The following TMEM132B variants were observed in gnomAD, a reference collection of about 807,000 sequenced individuals.
TMEM132B encodes the protein transmembrane protein 132B.
In TMEM132B, 18 loss-of-function variants were observed where a neutral mutation model predicts 90.8. That is an observed-to-expected ratio of 0.20 (90% confidence interval 0.14 to 0.29). TMEM132B has a LOEUF of 0.29. Among genes scored for constraint, TMEM132B ranks in the 10% least tolerant of loss-of-function variants. TMEM132B has a pLI of 1.00. For synonymous variants in TMEM132B, 504 were observed against 523.3 expected (o/e 0.96, Z 0.50); for missense variants, 1,096 against 1,326.8 (o/e 0.83, Z 2.70).
rs371670246 is a variant in TMEM132B, at chr12:125,650,966, A to C, written c.1914+13A>C. 2.5e-6 allele frequency: 4 copies of C among 1,611,406 alleles called. No homozygotes were observed. In the Admixed American group the frequency reaches 6.7e-5, roughly 27 times the overall value. On this transcript the variant is annotated intron_variant, in intron 7 of 8. Coordinates refer to ENST00000682704, the MANE Select transcript of TMEM132B (RefSeq NM_001366854.1). ...AACCACGGTGCAGGTACACGCCGCC[A>C]TGCCTTGCCCAACAGCAGTCTGTGT...
At chr12:125,647,953 G>A (rs1005239508) in intron 6 of TMEM132B, among the ~76,000 whole-genome samples, 7 of 145,340 alleles carry the variant, frequency 4.8e-5, no homozygotes, top group Non-Finnish European at 7.5e-5. Flanking sequence ...TGCACATTGC[G>A]CAGGTTAGTT....
At chr12:125,280,432 A>G (rs1284914231) in intron 1 of TMEM132B, among the ~76,000 whole-genome samples, 1 of 152,246 alleles carries the variant, frequency 6.6e-6, no homozygotes, top group Admixed American at 6.5e-5. Context: ...CGGAGGGTGT[A>G]TCAGTGAGAA....
At chr12:125,316,176 C>G (rs1876266645) in intron 1 of TMEM132B, among the ~76,000 whole-genome samples, 1 of 152,246 alleles carries the variant, frequency 6.6e-6, no homozygotes, top group Non-Finnish European at 1.5e-5. Context: ...AGATCCATAT[C>G]TGCCTCCCCA....
intron 2 of TMEM132B, among the ~76,000 whole-genome samples, chr12:125,386,304 T>C (rs1878830739): frequency 1.3e-5 from 2 of 152,142 alleles, no homozygotes; most frequent in South Asian, 4.1e-4. Flanking sequence ...TGATTTTGAA[T>C]GCAGCAAGAG....
intron 1 of TMEM132B, among the ~76,000 whole-genome samples, chr12:125,234,414 G>A (rs11058095): frequency 0.036 from 5,546 of 152,110 alleles, 118 homozygotes; most frequent in Non-Finnish European, 0.041. Context: ...ATCACCTCCC[G>A]CTGAAACCAA....
At chr12:125,617,207 C>A (rs1417061474) in intron 5 of TMEM132B, among the ~76,000 whole-genome samples, 1 of 152,124 alleles carries the variant, frequency 6.6e-6, no homozygotes, top group Non-Finnish European at 1.5e-5. Context: ...CGTTTAGCAA[C>A]CTGACTGATA....
At chr12:125,215,699 G>A (rs971900889) in intron 1 of TMEM132B, among the ~76,000 whole-genome samples, 3 of 152,248 alleles carry the variant, frequency 2.0e-5, no homozygotes, top group South Asian at 4.2e-4. Flanking sequence ...GCGCCACCAC[G>A]CCTAGAGGAT....
At chr12:125,591,126 G>C (rs938544031) in intron 5 of TMEM132B, among the ~76,000 whole-genome samples, 64 of 152,122 alleles carry the variant, frequency 4.2e-4, no homozygotes, top group African/African-American at 1.5e-3. Context: ...TTCCCATCAG[G>C]GAATGAATTG....
intron 3 of TMEM132B, among the ~76,000 whole-genome samples, chr12:125,467,313 T>C (rs1480992138): frequency 6.6e-6 from 1 of 152,162 alleles, no homozygotes; most frequent in Non-Finnish European, 1.5e-5. Flanking sequence ...GGGAATATTA[T>C]TGAAGTTCCT....
chr12:125,359,339 GT>G (rs1251381517), intron 2 of TMEM132B, among the ~76,000 whole-genome samples: 1 of 152,046 alleles, frequency 6.6e-6, no homozygotes, highest in South Asian at 2.1e-4. Context: ...TATTAGTTAT[GT>G]TTTTTCCAAT....
At chr12:125,393,053 A>G (rs1385136412) in intron 2 of TMEM132B, among the ~76,000 whole-genome samples, 1 of 152,180 alleles carries the variant, frequency 6.6e-6, no homozygotes, top group Non-Finnish European at 1.5e-5. Flanking sequence ...ACTAGAAGCC[A>G]TGTCAGTAAA....
Position 125,346,688 on chromosome 12 carries a change from C to G in TMEM132B, c.68-2764C>G, listed in dbSNP as rs573379525. ...GCTAAAACTTTAGATGAGGCTAATT[C>G]TTCAAAATCATTTCTCCCTCCTCTA... is the stretch of plus-strand genomic sequence containing the variant. On this transcript the variant is annotated intron_variant, in intron 1 of 8. Coordinates refer to ENST00000682704, the MANE Select transcript of TMEM132B (RefSeq NM_001366854.1). Among the ~76,000 whole-genome samples the G allele has an allele frequency of 9.2e-5, 14 of 152,334 alleles. No individual in the cohort carries two copies. The East Asian group carries it at 2.3e-3, about 25-fold the overall frequency.
chr12:125,648,422 T>A (rs368975337), intron 6 of TMEM132B, among the ~76,000 whole-genome samples: 1 of 152,162 alleles, frequency 6.6e-6, no homozygotes, highest in Admixed American at 6.5e-5. Flanking sequence ...TGCTTGTATG[T>A]TAATAAGCTC....
intron 1 of TMEM132B, among the ~76,000 whole-genome samples, chr12:125,195,951 A>C (rs530135208): frequency 4.2e-4 from 64 of 152,280 alleles, no homozygotes; most frequent in African/African-American, 1.5e-3. Context: ...CAGGGCAGTG[A>C]AAGTTCTAAC....
chr12:125,570,061 A>G (rs1197859943), intron 4 of TMEM132B, among the ~76,000 whole-genome samples: 2 of 151,978 alleles, frequency 1.3e-5, no homozygotes, highest in Non-Finnish European at 1.5e-5. Context: ...TTATGTCACT[A>G]TTGAATGGTT....
rs531872027 is a variant in TMEM132B, at chr12:125,350,270, G to C, written c.886G>C (p.Val296Leu). The C allele has an allele frequency of 8.1e-6, 13 of 1,614,006 alleles. No homozygotes were observed. In the East Asian group the frequency reaches 2.7e-4, roughly 33 times the overall value. Residue 296 changes from valine to leucine, a missense_variant, in exon 2 of 9, where the codon GTC becomes CTC. Physicochemically the swap from Val to Leu is conservative, Grantham distance 32. Transcript: ENST00000682704. ...NVVISVPLNL[V>L]REGDTATFLV... ...GGTCATCTCGGTACCTCTGAATCTAGTCCGGGAAGGGGACACGGCCACCTT... is the reference window on the plus strand; with the variant it reads ...GGTCATCTCGGTACCTCTGAATCTACTCCGGGAAGGGGACACGGCCACCTT...
chr12:125,536,479 C>A lies in TMEM132B; in HGVS notation c.1293+16854C>A, dbSNP rs574334951. On this transcript the variant is annotated intron_variant, in intron 4 of 8. Transcript: ENST00000682704. ...CCAGCACTTCCATGAACTCACTCGC[C>A]AACACTGCACCATCCACTCAATTCA... Among the ~76,000 whole-genome samples the A allele has an allele frequency of 3.3e-4, 51 of 152,290 alleles. 1 individual carries two copies. In the South Asian group the frequency reaches 3.9e-3, roughly 12 times the overall value.
chr12:125,244,211 C>T (rs75481198), intron 1 of TMEM132B, among the ~76,000 whole-genome samples: 290 of 152,284 alleles, frequency 1.9e-3, no homozygotes, highest in African/African-American at 6.5e-3. Flanking sequence ...AATGTTGCCA[C>T]GAACATGAGT....
chr12:125,330,858 A>G (rs1427895600), intron 1 of TMEM132B, among the ~76,000 whole-genome samples: 1 of 152,236 alleles, frequency 6.6e-6, no homozygotes. Context: ...CCTGGGCAAC[A>G]CAGTGGGACC....
Sources: gnomAD v4.1 joint callset for allele counts (sites outside exome capture counted in the v4.1 genomes callset) on GRCh38, gnomAD v4.1.1 for gene constraint, MANE v1.5 for transcripts, NCBI Gene and HGNC (gene_info 2026-07-23, HGNC 2026-07-21) for gene names.